The following PLEK variants were observed in gnomAD, a reference collection of about 807,000 sequenced individuals.
PLEK encodes platelet 47 kDa protein.
Under a neutral mutation model 43.9 loss-of-function variants are expected in PLEK, and 25 were observed. The observed-to-expected ratio is 0.57, with a 90% CI of 0.41 to 0.79. The LOEUF (loss-of-function observed/expected upper bound fraction) is 0.79, where lower values mean the gene tolerates loss of function less well. Among genes scored for constraint, PLEK ranks in the 30% least tolerant of loss-of-function variants. The probability of loss-of-function intolerance (pLI) is 0.00; values close to 1 mark genes in which losing one functional copy is unlikely to be tolerated. For synonymous variants in PLEK, 152 were observed against 144.4 expected (o/e 1.05, Z -0.38); for missense variants, 396 against 413.3 (o/e 0.96, Z 0.36).
In PLEK at chr2:68,387,363, G is replaced by A. The variant is rs113386184; in HGVS notation, c.657+677G>A. ...CTCTAAGACAAGAAGATACAGCCAC[G>A]TAGACAAGCGTACTGGAGGGACAGG... On this transcript the variant is annotated intron_variant, in intron 5 of 8. Coordinates refer to ENST00000234313, the MANE Select transcript of PLEK (RefSeq NM_002664.3). Among the ~76,000 whole-genome samples, 281 of 152,288 alleles carry A rather than the reference G, an allele frequency of 1.8e-3. 1 individual carries two copies. Among genetic ancestry groups the A allele is most frequent in the Non-Finnish European group, 3.2e-3 (216 of 68,010 alleles).
At chr2:68,373,066 A>G (rs1281065901) in intron 1 of PLEK, among the ~76,000 whole-genome samples, 1 of 152,180 alleles carries the variant, frequency 6.6e-6, no homozygotes, top group Non-Finnish European at 1.5e-5. Context: ...ACATTCCATA[A>G]TCACACTTCC....
chr2:68,367,787 A>G (rs1176821827), intron 1 of PLEK, among the ~76,000 whole-genome samples: 3 of 152,222 alleles, frequency 2.0e-5, no homozygotes, highest in African/African-American at 7.2e-5. Context: ...AGGGCCATAA[A>G]AATCTTTGAA....
chr2:68,394,301 G>C, intron 8 of PLEK, 125 bp downstream of exon 8: 1 of 705,984 alleles, frequency 1.4e-6, no homozygotes, highest in Middle Eastern at 2.9e-4. Context: ...GGCAGGCATG[G>C]TGGCTCCCAC....
chr2:68,380,986 G>C, intron 3 of PLEK, 82 bp downstream of exon 3: 3 of 1,184,964 alleles, frequency 2.5e-6, no homozygotes, highest in Middle Eastern at 2.0e-4. Context: ...GGCTTGCTTT[G>C]ACCACCTCTG....
chr2:68,392,052 A>G (rs1373260656), intron 6 of PLEK, among the ~76,000 whole-genome samples: 1 of 152,048 alleles, frequency 6.6e-6, no homozygotes, highest in Non-Finnish European at 1.5e-5. Context: ...AACTCAGTCT[A>G]GACAATGTCA....
intron 8 of PLEK, 96 bp from the exon 9 acceptor site, chr2:68,395,584 C>G (rs145846537): frequency 9.0e-6 from 12 of 1,335,650 alleles, no homozygotes; most frequent in African/African-American, 1.4e-5. Context: ...CCTTAGAACA[C>G]GAAGAAAACA....
chr2:68,380,669 G>T (rs577189200), intron 2 of PLEK, 54 bp from the exon 3 acceptor site: 1 of 1,565,658 alleles, frequency 6.4e-7, no homozygotes, highest in African/African-American at 1.4e-5. Flanking sequence ...CTTCATGAGG[G>T]GCCCCAAGCC....
chr2:68,377,119 A>T (rs918957080), intron 1 of PLEK, among the ~76,000 whole-genome samples: 1 of 152,166 alleles, frequency 6.6e-6, no homozygotes, highest in African/African-American at 2.4e-5. Flanking sequence ...TTTATGGCAA[A>T]GTAGCCCTCC....
intron 4 of PLEK, 67 bp downstream of exon 4, chr2:68,382,700 G>A (rs552718801): frequency 6.1e-5 from 53 of 868,924 alleles, no homozygotes; most frequent in Non-Finnish European, 8.4e-5. Context: ...CTTCGGCCTC[G>A]TCTGTGAGGT....
intron 8 of PLEK, among the ~76,000 whole-genome samples, chr2:68,395,079 T>A (rs1422447469): frequency 6.6e-6 from 1 of 152,152 alleles, no homozygotes; most frequent in African/African-American, 2.4e-5. Flanking sequence ...GTTATTGCCT[T>A]TTAGTCTTCA....
chr2:68,376,435 A>C (rs533046016), intron 1 of PLEK, among the ~76,000 whole-genome samples: 1 of 151,944 alleles, frequency 6.6e-6, no homozygotes, highest in Non-Finnish European at 1.5e-5. Flanking sequence ...GCCTTGTGCA[A>C]ATGTGGACCA....
At chr2:68,385,888 C>T (rs1382082241) in intron 4 of PLEK, among the ~76,000 whole-genome samples, 4 of 152,142 alleles carry the variant, frequency 2.6e-5, no homozygotes, top group African/African-American at 4.8e-5. Context: ...TTATTACACC[C>T]ATCATGCCCT....
rs991934948 is a variant in PLEK at position 68,395,936 on chromosome 2, T to A, written c.*120T>A. 7 of 835,556 alleles carry A rather than the reference T, an allele frequency of 8.4e-6. No individual in the cohort carries two copies. Among genetic ancestry groups the A allele is most frequent in the African/African-American group, 1.7e-5 (1 of 58,218 alleles). 51.8% of individuals were successfully genotyped at this position (835,556 alleles called of 1,614,324 possible). ...AGCCCAGGGGTGGGAAGTTTTCATTTGCAGGGGGGTCTGAATGTAACTCAC... is the reference window on the plus strand; with the variant it reads ...AGCCCAGGGGTGGGAAGTTTTCATTAGCAGGGGGGTCTGAATGTAACTCAC... On this transcript the variant is annotated 3_prime_UTR_variant, in exon 9 of 9. Transcript: ENST00000234313.
intron 1 of PLEK, among the ~76,000 whole-genome samples, chr2:68,373,294 C>T (rs1453576238): frequency 3.3e-5 from 5 of 152,086 alleles, no homozygotes; most frequent in South Asian, 4.1e-4. Context: ...GGTCAGATTT[C>T]TCTTGTTTCA....
intron 1 of PLEK, among the ~76,000 whole-genome samples, chr2:68,371,245 G>T (rs1345138938): frequency 6.6e-6 from 1 of 152,186 alleles, no homozygotes; most frequent in Non-Finnish European, 1.5e-5. Context: ...TCTCCCTTAA[G>T]TTATGCAGAA....
At chr2:68,368,946 G>C (rs1025235241) in intron 1 of PLEK, among the ~76,000 whole-genome samples, 1 of 152,142 alleles carries the variant, frequency 6.6e-6, no homozygotes, top group Admixed American at 6.5e-5. Context: ...CAAGCAGCAG[G>C]GACAGGAAAG....
rs956124269 is a variant in PLEK at position 68,393,385 on chromosome 2, C to G, written c.846+140C>G. On this transcript the variant is annotated intron_variant, in intron 7 of 8. Coordinates refer to ENST00000234313, the MANE Select transcript of PLEK (RefSeq NM_002664.3). Reference sequence around the variant, plus strand: ...CCACTTTTTTTTCTCCCATTCTCCTCTACCTTTTTCTATCCCCTTTCAATG... The same window carrying G: ...CCACTTTTTTTTCTCCCATTCTCCTGTACCTTTTTCTATCCCCTTTCAATG... 3 of 635,064 alleles carry G rather than the reference C, an allele frequency of 4.7e-6. No individual in the cohort carries two copies. The African/African-American group carries it at 5.5e-5, about 12-fold the overall frequency. 39.3% of individuals were successfully genotyped at this position (635,064 alleles called of 1,614,324 possible).
intron 6 of PLEK, among the ~76,000 whole-genome samples, chr2:68,389,815 G>A (rs954312449): frequency 3.9e-5 from 6 of 152,252 alleles, no homozygotes; most frequent in South Asian, 4.1e-4. Flanking sequence ...CAGTTTGCCC[G>A]CTGCTGCTTT....
intron 1 of PLEK, among the ~76,000 whole-genome samples, chr2:68,372,499 C>T (rs17529061): frequency 0.53 from 80,092 of 151,880 alleles, 22,671 homozygotes; most frequent in East Asian, 0.76. Flanking sequence ...TTAATATGGT[C>T]AAATCTGCCG....
Sources: allele counts gnomAD v4.1 joint callset (sites outside exome capture counted in the v4.1 genomes callset), GRCh38; gene constraint gnomAD v4.1.1; transcripts MANE v1.5; gene names NCBI Gene and HGNC (gene_info 2026-07-23, HGNC 2026-07-21).